Variants in OSBPL9 observed in about 807,000 individuals in gnomAD.
OSBPL9 encodes the protein oxysterol binding protein like 9.
In OSBPL9, 40 loss-of-function variants were observed where a neutral mutation model predicts 106.6. The ratio of observed to expected loss-of-function variants is 0.38; its 90% confidence interval spans 0.29 to 0.49. The LOEUF is 0.49. OSBPL9 is among the 20% of genes least tolerant of loss of function. OSBPL9 has a pLI of 0.97. For synonymous variants in OSBPL9, 269 were observed against 295.4 expected (o/e 0.91, Z 0.92); for missense variants, 609 against 887.2 (o/e 0.69, Z 3.98).
At chr1:51,593,531 A>G (rs887970285) in intron 1 of OSBPL9, among the ~76,000 whole-genome samples, 1 of 152,148 alleles carries the variant, frequency 6.6e-6, no homozygotes, top group East Asian at 1.9e-4. Flanking sequence ...ATCATTGTAC[A>G]TGCTGTTCTT....
intron 1 of OSBPL9, among the ~76,000 whole-genome samples, chr1:51,651,751 A>T (rs1646533119): frequency 6.6e-6 from 1 of 152,366 alleles, no homozygotes; most frequent in East Asian, 1.9e-4. Context: ...ATGATGTAAT[A>T]TATGTTACAT....
intron 12 of OSBPL9, among the ~76,000 whole-genome samples, chr1:51,771,245 GTT>G (rs1298070500): frequency 1.3e-5 from 2 of 152,194 alleles, no homozygotes; most frequent in Non-Finnish European, 2.9e-5. Context: ...CATGTGTACT[GTT>G]TTATAAATAT....
At position 51,729,702 on chromosome 1, in the gene OSBPL9, T is replaced by G; in HGVS notation, c.318+15623T>G. On this transcript the variant is annotated intron_variant, in intron 4 of 23. Transcript: ENST00000428468. The surrounding 1 kb of genome is among the most constrained non-coding windows in gnomAD (Gnocchi z 5.1). ...CGCCAATCGTCTGCCTCTCACCTCC[T>G]ACAGCAGGTGACCCATGGCCAATCG... 1.5e-6 allele frequency: 1 copy of G among 649,708 alleles called. No homozygotes were observed. The highest frequency in any genetic ancestry group is 2.2e-6 in the Non-Finnish European group (1 of 463,152). The allele number at this position is 649,708 out of a possible 1,614,324, so 40.2% of individuals were successfully genotyped here. A position where few individuals can be genotyped will look rare whatever the true frequency, so the allele number is the denominator to read the frequency against.
Position 51,746,772 on chromosome 1 carries a change from C to A in OSBPL9, c.462+15C>A. The A allele has an allele frequency of 6.3e-7, 1 of 1,594,004 alleles. No homozygotes were observed. The highest frequency in any genetic ancestry group is 1.1e-5 in the South Asian group (1 of 87,636). On this transcript the variant is annotated intron_variant, in intron 6 of 23. Coordinates refer to ENST00000428468, the MANE Select transcript of OSBPL9 (RefSeq NM_024586.6). ...AACAGAGAAAGGTAACTTCCATAACCGTGCTTTTGACGTTAAAAATTTTAA... is the reference window on the plus strand; with the variant it reads ...AACAGAGAAAGGTAACTTCCATAACAGTGCTTTTGACGTTAAAAATTTTAA...
At chr1:51,651,476 G>A (rs1024003858) in intron 1 of OSBPL9, among the ~76,000 whole-genome samples, 1 of 152,054 alleles carries the variant, frequency 6.6e-6, no homozygotes, top group South Asian at 2.1e-4. Context: ...GGTGGCGGGT[G>A]CCTGTAATCC....
intron 1 of OSBPL9, among the ~76,000 whole-genome samples, chr1:51,626,561 G>T (rs991346765): frequency 4.6e-5 from 7 of 152,152 alleles, no homozygotes; most frequent in African/African-American, 1.7e-4. Flanking sequence ...ACCCAGGCTG[G>T]AGTACAGTGT....
chr1:51,751,937 T>G (rs1669337908), intron 8 of OSBPL9, among the ~76,000 whole-genome samples: 1 of 152,194 alleles, frequency 6.6e-6, no homozygotes, highest in South Asian at 2.1e-4. Context: ...GTAAATGAAA[T>G]TTGGCCTTTT....
At chr1:51,747,980 G>A (rs1668385429) in intron 6 of OSBPL9, among the ~76,000 whole-genome samples, 1 of 151,906 alleles carries the variant, frequency 6.6e-6, no homozygotes, top group African/African-American at 2.4e-5. Flanking sequence ...TAGTAGAGGT[G>A]GGGTTTCACC....
rs1644092836 is a variant in OSBPL9, at chr1:51,617,221, G to A, written c.111G>A (p.Thr37=). ...ATGCAGGACTGCTCTCCTACTACAC[G>A]GTGAGTCCTTGGAGGGCACAGCTCC... is the stretch of plus-strand genomic sequence containing the variant. The part of the protein sequence containing the change: ...DYNAGLLSYY[T]SKDKMMRGSR... The change falls in exon 1 of 24, where the codon ACG becomes ACA. Residue 37 remains threonine, a splice_region_variant and synonymous_variant. Coordinates refer to ENST00000428468, the MANE Select transcript of OSBPL9 (RefSeq NM_024586.6). 1.2e-6 allele frequency: 2 copies of A among 1,609,596 alleles called. No homozygotes were observed. Among genetic ancestry groups the A allele is most frequent in the South Asian group, 2.2e-5 (2 of 90,206 alleles).
the OSBPL9 span, among the ~76,000 whole-genome samples, chr1:51,536,433 G>C: frequency 6.6e-6 from 1 of 152,172 alleles, no homozygotes; most frequent in African/African-American, 2.4e-5. Context: ...CCTGCTTCCA[G>C]ACTAGCTAGC....
rs1273367350 is a variant in OSBPL9, at chr1:51,787,802, A to C, written c.*13A>C. ...TGCCAAGCATTAGGTTGGAAGATGC[A>C]AAGTTTATACCTGATGATCAGGGCA... is the stretch of plus-strand genomic sequence containing the variant. On this transcript the variant is annotated 3_prime_UTR_variant, in exon 24 of 24. Coordinates refer to ENST00000428468, the MANE Select transcript of OSBPL9 (RefSeq NM_024586.6). 6.2e-7 allele frequency: 1 copy of C among 1,601,542 alleles called. No homozygotes were observed.
At chr1:51,628,268 A>G (rs1644889709) in intron 1 of OSBPL9, among the ~76,000 whole-genome samples, 1 of 152,224 alleles carries the variant, frequency 6.6e-6, no homozygotes, top group Non-Finnish European at 1.5e-5. Flanking sequence ...CATTTTATAC[A>G]TGATATTCTA....
chr1:51,701,381 A>G (rs1657202621), intron 3 of OSBPL9, among the ~76,000 whole-genome samples: 1 of 152,234 alleles, frequency 6.6e-6, no homozygotes, highest in South Asian at 2.1e-4. Context: ...TTATTTACCT[A>G]AAATCATGAG....
At chr1:51,518,515 A>T in the OSBPL9 span, 1 of 152,804 alleles carries the variant, frequency 6.5e-6, no homozygotes, top group Non-Finnish European at 1.5e-5. Flanking sequence ...TGGGGGTCTG[A>T]CCCAGAAGGA....
chr1:51,542,599 T>G, the OSBPL9 span, among the ~76,000 whole-genome samples: 1 of 152,358 alleles, frequency 6.6e-6, no homozygotes, highest in African/African-American at 2.4e-5. Context: ...GTCTAAGAAT[T>G]TATGGAATAA....
the OSBPL9 span, among the ~76,000 whole-genome samples, chr1:51,523,323 T>A: frequency 6.6e-6 from 1 of 151,898 alleles, no homozygotes; most frequent in Non-Finnish European, 1.5e-5. Flanking sequence ...CCTAGGCTGG[T>A]CTTCAACTCC....
intron 3 of OSBPL9, among the ~76,000 whole-genome samples, chr1:51,693,581 T>C (rs1463027303): frequency 6.6e-6 from 1 of 152,200 alleles, no homozygotes; most frequent in Non-Finnish European, 1.5e-5. Context: ...TCACCTCTGT[T>C]CTTAATATGA....
chr1:51,540,915 C>T, the OSBPL9 span, among the ~76,000 whole-genome samples: 7 of 150,542 alleles, frequency 4.6e-5, no homozygotes, highest in South Asian at 2.1e-4. Flanking sequence ...GCCAAGATAG[C>T]GCCACTGCAC....
chr1:51,699,459 C>T (rs1448998197), intron 3 of OSBPL9, among the ~76,000 whole-genome samples: 1 of 152,062 alleles, frequency 6.6e-6, no homozygotes, highest in Non-Finnish European at 1.5e-5. Flanking sequence ...AATTTCCTTG[C>T]CTCAGAAGCT....
Sources: gnomAD v4.1 joint callset for allele counts (sites outside exome capture counted in the v4.1 genomes callset) on GRCh38, gnomAD v4.1.1 for gene constraint, Gnocchi (gnomAD v3.1) non-coding constraint, MANE v1.5 for transcripts, NCBI Gene and HGNC (gene_info 2026-07-23, HGNC 2026-07-21) for gene names.